ANXA8: variants seen among roughly 807,000 people sequenced by gnomAD.
The protein encoded by ANXA8 is VAC-beta.
Under a neutral mutation model 26.8 loss-of-function variants are expected in ANXA8, and 9 were observed. The ratio of observed to expected loss-of-function variants is 0.34; its 90% CI spans 0.20 to 0.59. The LOEUF (loss-of-function observed/expected upper bound fraction) is 0.59, where lower values mean the gene tolerates loss of function less well. ANXA8 is among the 20% of genes least tolerant of loss of function. The pLI, the probability that ANXA8 is intolerant of heterozygous loss-of-function variation, is 0.84. For synonymous variants in ANXA8, 39 were observed against 94.8 expected (o/e 0.41, Z 3.42); for missense variants, 83 against 238.5 (o/e 0.35, Z 4.29).
At chr10:47,967,850 T>A in the ANXA8 span, among the ~76,000 whole-genome samples, 2 of 127,312 alleles carry the variant, frequency 1.6e-5, 1 homozygote, top group Non-Finnish European at 3.5e-5. Context: ...AACTTCACAC[T>A]GTTGGGGAAA....
chr10:47,932,267 T>C, the ANXA8 span, among the ~76,000 whole-genome samples: 2 of 151,096 alleles, frequency 1.3e-5, no homozygotes, highest in African/African-American at 4.9e-5. Flanking sequence ...TGTAACGCTT[T>C]GTTGTGGCAA....
At chr10:47,503,184 A>G in the ANXA8 span, 5 of 1,605,196 alleles carry the variant, frequency 3.1e-6, no homozygotes, top group African/African-American at 5.5e-5. Flanking sequence ...AGCTTGAATA[A>G]TAGGTGAGCA....
chr10:47,745,417 C>CAT, the ANXA8 span, among the ~76,000 whole-genome samples: 1 of 150,176 alleles, frequency 6.7e-6, no homozygotes, highest in Non-Finnish European at 1.5e-5. Flanking sequence ...ATGTGAGGCA[C>CAT]TCAGATGAGA....
At chr10:47,581,536 T>C in the ANXA8 span, 1 of 521,700 alleles carries the variant, frequency 1.9e-6, no homozygotes, top group Non-Finnish European at 3.8e-6. Flanking sequence ...TGCTCAGTCA[T>C]CTTCATGTTC....
At chr10:47,986,579 C>T in the ANXA8 span, 1 of 356,152 alleles carries the variant, frequency 2.8e-6, no homozygotes, top group Admixed American at 3.8e-5. Context: ...CAGTGACCCA[C>T]AGGGGCCAGT....
At chr10:47,966,446 G>A in the ANXA8 span, among the ~76,000 whole-genome samples, 2,043 of 148,288 alleles carry the variant, frequency 0.014, no homozygotes, top group African/African-American at 0.049. Context: ...ATCTGACTCT[G>A]AATATGTGGC....
At chr10:47,597,453 G>C in the ANXA8 span, among the ~76,000 whole-genome samples, 8 of 146,688 alleles carry the variant, frequency 5.5e-5, 1 homozygote, top group African/African-American at 2.1e-4. Flanking sequence ...AATAGGAAAA[G>C]AGGAAATTAA....
At chr10:47,669,598 C>T in the ANXA8 span, among the ~76,000 whole-genome samples, 1 of 151,550 alleles carries the variant, frequency 6.6e-6, no homozygotes, top group African/African-American at 2.4e-5. Context: ...GCCTGTGGTC[C>T]CAGCTACTTG....
chr10:47,970,996 G>A, the ANXA8 span, among the ~76,000 whole-genome samples: 45 of 151,506 alleles, frequency 3.0e-4, no homozygotes, highest in African/African-American at 9.4e-4. Flanking sequence ...CATCTGGGAG[G>A]CCAGCAGGTG....
chr10:47,658,263 GT>G, the ANXA8 span, among the ~76,000 whole-genome samples: 6 of 150,576 alleles, frequency 4.0e-5, no homozygotes, highest in African/African-American at 1.5e-4. Flanking sequence ...AACTACTCGG[GT>G]AGTCCCAACT....
chr10:47,900,585 C>A, the ANXA8 span, among the ~76,000 whole-genome samples: 2 of 144,066 alleles, frequency 1.4e-5, no homozygotes, highest in Admixed American at 1.4e-4. Flanking sequence ...GATGTAAACA[C>A]CTTAACCTTT....
the ANXA8 span, among the ~76,000 whole-genome samples, chr10:47,682,832 G>A: frequency 6.6e-6 from 1 of 152,168 alleles, no homozygotes; most frequent in East Asian, 1.9e-4. Context: ...TTGAGTGCTT[G>A]GACTTTATTG....
chr10:47,497,431 C>G, the ANXA8 span, among the ~76,000 whole-genome samples: 1 of 144,794 alleles, frequency 6.9e-6, no homozygotes, highest in Non-Finnish European at 1.5e-5. Flanking sequence ...GCCTGACCAA[C>G]ATGGAGAAAC....
the ANXA8 span, among the ~76,000 whole-genome samples, chr10:47,767,616 C>T: frequency 6.6e-6 from 1 of 150,702 alleles, no homozygotes; most frequent in African/African-American, 2.4e-5. Flanking sequence ...CACCCCTATT[C>T]TAGCGCTTTG....
the ANXA8 span, among the ~76,000 whole-genome samples, chr10:47,776,984 G>A: frequency 3.6e-4 from 55 of 151,938 alleles, no homozygotes; most frequent in African/African-American, 1.1e-3. Context: ...AGGAAGGCTC[G>A]CCCCTCTGGT....
At chr10:47,501,393 T>C in the ANXA8 span, among the ~76,000 whole-genome samples, 2 of 142,586 alleles carry the variant, frequency 1.4e-5, no homozygotes, top group Admixed American at 1.4e-4. Flanking sequence ...TTACTTCACA[T>C]CCAGTTCAAT....
At chr10:47,485,807 G>C (rs1840030733), upstream of ANXA8, among the ~76,000 whole-genome samples, 1 of 151,846 alleles carries the variant, frequency 6.6e-6, no homozygotes, top group African/African-American at 2.4e-5. Context: ...CCTGACATCA[G>C]TCTCTAAATA....
chr10:47,684,077 C>T, the ANXA8 span, among the ~76,000 whole-genome samples: 2 of 151,118 alleles, frequency 1.3e-5, no homozygotes, highest in Non-Finnish European at 3.0e-5. Flanking sequence ...CCGACTGAAG[C>T]GGCCTTCTGC....
chr10:47,555,329 G>GGGTTCCTCTGATGAGGTGCA, the ANXA8 span, among the ~76,000 whole-genome samples: 1 of 151,140 alleles, frequency 6.6e-6, no homozygotes, highest in Non-Finnish European at 1.5e-5. Flanking sequence ...GGCCATGGCT[G>GGGTTCCTCTGATGAGGTGCA]GGTTCCTCTG....
Sources: gnomAD v4.1 joint callset for allele counts (sites outside exome capture counted in the v4.1 genomes callset) on GRCh38, gnomAD v4.1.1 for gene constraint, MANE v1.5 for transcripts, NCBI Gene and HGNC (gene_info 2026-07-23, HGNC 2026-07-21) for gene names.